Variants in TM4SF18 observed in about 807,000 individuals in gnomAD.
TM4SF18 encodes the protein transmembrane 4 L6 family member 18.
In TM4SF18, 22 loss-of-function variants were observed where a neutral mutation model predicts 23.8. The ratio of observed to expected loss-of-function variants is 0.92; its 90% confidence interval spans 0.66 to 1.32. TM4SF18 has a LOEUF of 1.32. Among genes scored for constraint, TM4SF18 ranks in the 40% most tolerant of loss-of-function variants. The pLI is 0.00. For missense variants in TM4SF18, 255 were observed against 240.3 expected (o/e 1.06, Z -0.41); for synonymous variants, 87 against 87.9 (o/e 0.99, Z 0.06).
At chr3:149,331,265 C>T (rs1462012166) in intron 2 of TM4SF18, among the ~76,000 whole-genome samples, 1 of 151,938 alleles carries the variant, frequency 6.6e-6, no homozygotes, top group South Asian at 2.1e-4. Context: ...TTTTTTTGTT[C>T]ATTTAATTAT....
At chr3:149,322,177 T>G in intron 5 of TM4SF18, 79 bp downstream of exon 5, 4 of 1,238,570 alleles carry the variant, frequency 3.2e-6, no homozygotes, top group Non-Finnish European at 4.5e-6. Context: ...AATTCTAGAG[T>G]CTTTTCAAAA....
chr3:149,330,650 C>A (rs1161770848), intron 2 of TM4SF18, among the ~76,000 whole-genome samples: 2 of 152,128 alleles, frequency 1.3e-5, no homozygotes, highest in Non-Finnish European at 2.9e-5. Flanking sequence ...GTGGTTGATT[C>A]ATAGTGACTG....
rs553912587 is a variant in TM4SF18 at position 149,321,511 on chromosome 3, A to C, written c.592-19T>G. 6.4e-7 allele frequency: 1 copy of C among 1,563,142 alleles called. No individual in the cohort carries two copies. The highest frequency in any genetic ancestry group is 1.2e-5 in the South Asian group (1 of 83,962). Reference sequence around the variant, plus strand: ...TTCCAGGCTATAGGAAAAAAGGAAAAACAAAGTGATTAAAGTTATAAACTT... The same window carrying C: ...TTCCAGGCTATAGGAAAAAAGGAAACACAAAGTGATTAAAGTTATAAACTT... On this transcript the variant is annotated intron_variant, in intron 5 of 5. Coordinates refer to ENST00000296059, the MANE Select transcript of TM4SF18 (RefSeq NM_138786.4).
At chr3:149,325,507 C>T (rs1057307760) in intron 3 of TM4SF18, among the ~76,000 whole-genome samples, 5 of 151,942 alleles carry the variant, frequency 3.3e-5, no homozygotes, top group Admixed American at 6.6e-5. Context: ...ATTCAAGTGA[C>T]GATAGGATTG....
At chr3:149,327,861 C>A (rs1409967021) in intron 3 of TM4SF18, among the ~76,000 whole-genome samples, 2 of 152,070 alleles carry the variant, frequency 1.3e-5, no homozygotes, top group African/African-American at 4.8e-5. Context: ...GCACACACTA[C>A]AATCTAATGA....
At chr3:149,325,396 T>G (rs1730920322) in intron 3 of TM4SF18, among the ~76,000 whole-genome samples, 1 of 152,164 alleles carries the variant, frequency 6.6e-6, no homozygotes, top group Non-Finnish European at 1.5e-5. Context: ...TCTCTAAGAA[T>G]TATAAGCTAT....
In TM4SF18 at chr3:149,322,247, A is replaced by G; in HGVS notation, c.591+9T>C. On this transcript the variant is annotated intron_variant, in intron 5 of 5. Transcript: ENST00000296059. ...GGATGAGCTACAGGTGCCCATGAGA[A>G]TCTGTTACCTGGAAGATCACTGAAT... 6.2e-7 allele frequency: 1 copy of G among 1,605,518 alleles called. No individual in the cohort carries two copies. The highest frequency in any genetic ancestry group is 8.5e-7 in the Non-Finnish European group (1 of 1,175,674).
At chr3:149,325,054 A>G (rs1248397894) in intron 3 of TM4SF18, 32 bp from the exon 4 acceptor site, 1 of 1,604,314 alleles carries the variant, frequency 6.2e-7, no homozygotes, top group Admixed American at 1.7e-5. Flanking sequence ...GGTTAGTACC[A>G]TAGAATGCGA....
At chr3:149,331,179 C>T (rs1731078848) in intron 2 of TM4SF18, among the ~76,000 whole-genome samples, 1 of 152,020 alleles carries the variant, frequency 6.6e-6, no homozygotes, top group South Asian at 2.1e-4. Flanking sequence ...GGACTGAATC[C>T]CACAGCTGAG....
At chr3:149,325,166 A>G (rs1356664629) in intron 3 of TM4SF18, 144 bp from the exon 4 acceptor site, 1 of 712,374 alleles carries the variant, frequency 1.4e-6, no homozygotes. Flanking sequence ...AAATAAAAAA[A>G]AAAGTAATCC....
At chr3:149,332,873 C>G (rs1005130826) in intron 2 of TM4SF18, among the ~76,000 whole-genome samples, 1 of 152,022 alleles carries the variant, frequency 6.6e-6, no homozygotes, top group Non-Finnish European at 1.5e-5. Context: ...AAAATCTGTT[C>G]TAGAAAACAG....
At chr3:149,332,816 T>C (rs1343951434) in intron 2 of TM4SF18, among the ~76,000 whole-genome samples, 3 of 152,126 alleles carry the variant, frequency 2.0e-5, no homozygotes, top group Non-Finnish European at 2.9e-5. Flanking sequence ...TTTTTTTTCA[T>C]GCTGTCCTAA....
chr3:149,321,981 C>T (rs7632622), intron 5 of TM4SF18, among the ~76,000 whole-genome samples: 137,114 of 152,264 alleles, frequency 0.9, 61,951 homozygotes, highest in African/African-American at 0.98. Context: ...CTATGTAGAA[C>T]ACTAAAACTT....
intron 3 of TM4SF18, among the ~76,000 whole-genome samples, chr3:149,328,404 A>G (rs766003077): frequency 3.9e-5 from 6 of 152,278 alleles, no homozygotes; most frequent in Non-Finnish European, 7.3e-5. Flanking sequence ...CCCACCTCTT[A>G]ATATCGCCAC....
At chr3:149,326,136 T>A (rs9881688) in intron 3 of TM4SF18, among the ~76,000 whole-genome samples, 54,974 of 152,122 alleles carry the variant, frequency 0.36, 10,295 homozygotes, top group East Asian at 0.45. Context: ...TTGTAACTTT[T>A]AAATTTTTTT....
chr3:149,323,524 G>A (rs534761932), intron 4 of TM4SF18, among the ~76,000 whole-genome samples: 5 of 152,222 alleles, frequency 3.3e-5, no homozygotes, highest in East Asian at 1.9e-4. Flanking sequence ...CTGGAGCCGC[G>A]GCAGAGAAAC....
chr3:149,328,187 T>C (rs1445568152), intron 3 of TM4SF18, among the ~76,000 whole-genome samples: 2 of 152,204 alleles, frequency 1.3e-5, no homozygotes, highest in Non-Finnish European at 1.5e-5. Flanking sequence ...AACAGAATTT[T>C]ATTATTCACA....
rs912074098 is a variant in TM4SF18, at chr3:149,320,756, G to A, written c.*722C>T. ...AAAAATTTTAATAGTGAAAATATGA[G>A]TTTAGAAAATATTTATAGTAAAACA... On this transcript the variant is annotated 3_prime_UTR_variant, in exon 6 of 6. Coordinates refer to ENST00000296059, the MANE Select transcript of TM4SF18 (RefSeq NM_138786.4). 3.3e-5 allele frequency: 5 copies of A among 152,086 alleles called. No individual in the cohort carries two copies. The highest frequency in any genetic ancestry group is 1.2e-4 in the African/African-American group (5 of 41,418). The allele number at this position is 152,086 out of a possible 1,614,324, so 9.4% of individuals were successfully genotyped here. A position where few individuals can be genotyped will look rare whatever the true frequency, so the allele number is the denominator to read the frequency against.
chr3:149,327,225 C>G (rs941882980), intron 3 of TM4SF18, among the ~76,000 whole-genome samples: 2 of 152,224 alleles, frequency 1.3e-5, no homozygotes, highest in East Asian at 1.9e-4. Flanking sequence ...GCTGGGATTA[C>G]AGGCATGAGC....
Sources: allele counts gnomAD v4.1 joint callset (sites outside exome capture counted in the v4.1 genomes callset), GRCh38; gene constraint gnomAD v4.1.1; transcripts MANE v1.5; gene names NCBI Gene and HGNC (gene_info 2026-07-23, HGNC 2026-07-21).